Variants in PCDHGA6 observed in about 807,000 individuals in gnomAD.
PCDHGA6 encodes protocadherin gamma-A6.
In PCDHGA6, 41 loss-of-function variants were observed where a neutral mutation model predicts 60.6. The observed-to-expected ratio is 0.68, with a 90% CI of 0.53 to 0.88. The LOEUF (loss-of-function observed/expected upper bound fraction) is 0.88. PCDHGA6 is among the 40% of genes least tolerant of loss of function. The pLI is 0.00. For missense variants in PCDHGA6, 1,312 were observed against 1,203.0 expected (o/e 1.09, Z -1.34); for synonymous variants, 594 against 524.4 (o/e 1.13, Z -1.81).
chr5:141,488,634 G>A (rs937680420), intron 1 of PCDHGA6, among the ~76,000 whole-genome samples: 4 of 152,150 alleles, frequency 2.6e-5, no homozygotes, highest in Non-Finnish European at 4.4e-5. Context: ...CACCTTAGCA[G>A]CATTCAGCAG....
chr5:141,418,270 A>T, intron 1 of PCDHGA6: 1 of 1,614,052 alleles, frequency 6.2e-7, no homozygotes. Context: ...GGAAAGATGA[A>T]ATAAACTTAG....
At position 141,375,263 on chromosome 5, in the gene PCDHGA6, T is replaced by C. The variant is rs200233213; in HGVS notation, c.1180T>C (p.Leu394=). Residue 394 remains leucine (L), a synonymous_variant, in exon 1 of 4, where the codon TTG becomes CTG. Transcript: ENST00000517434. Reference sequence around the variant, plus strand: ...CATCCCGAGAAGTCTCCCATTTGAATTGGAAAAATCAGTTGGCAATTATTA... The same window carrying C: ...CATCCCGAGAAGTCTCCCATTTGAACTGGAAAAATCAGTTGGCAATTATTA... ...CSIPRSLPFE[L]EKSVGNYYRL... 1.2e-6 allele frequency: 2 copies of C among 1,613,828 alleles called. No homozygotes were observed. The highest frequency in any genetic ancestry group is 1.7e-6 in the Non-Finnish European group (2 of 1,179,868).
chr5:141,466,669 C>T lies in PCDHGA6; in HGVS notation c.2425-28138C>T, dbSNP rs529252130. The stretch of plus-strand genomic sequence containing the variant: ...TTTCACAAAACATCAGTGATTTCAC[C>T]GTTCTTCCACTCAAGCTTCATCATA... On this transcript the variant is annotated intron_variant, in intron 1 of 3. Transcript: ENST00000517434. Among the ~76,000 whole-genome samples the T allele has an allele frequency of 8.5e-5, 13 of 152,278 alleles. No homozygotes were observed. The East Asian group carries it at 9.6e-4, about 11-fold the overall frequency.
intron 1 of PCDHGA6, chr5:141,389,762 A>C (rs778570717): frequency 1.2e-6 from 2 of 1,612,968 alleles, no homozygotes; most frequent in Non-Finnish European, 1.7e-6. Flanking sequence ...AAGTGCGCAC[A>C]GCGCGTGCCT....
At chr5:141,395,521 T>C in intron 1 of PCDHGA6, 1 of 388,366 alleles carries the variant, frequency 2.6e-6, no homozygotes, top group East Asian at 5.0e-5. Context: ...TACCCGTCCA[T>C]ACTGGTAATT....
At chr5:141,434,497 G>A (rs986672351) in intron 1 of PCDHGA6, among the ~76,000 whole-genome samples, 2 of 152,214 alleles carry the variant, frequency 1.3e-5, no homozygotes, top group African/African-American at 4.8e-5. Context: ...CCCGCCCAGG[G>A]CAGAAAACTG....
intron 1 of PCDHGA6, chr5:141,409,404 A>T: frequency 5.0e-6 from 8 of 1,614,046 alleles, no homozygotes; most frequent in Non-Finnish European, 6.8e-6. Flanking sequence ...TCCAATAACT[A>T]CTACAAACTG....
chr5:141,445,991 T>C (rs532620580), intron 1 of PCDHGA6, among the ~76,000 whole-genome samples: 147 of 152,168 alleles, frequency 9.7e-4, no homozygotes, highest in Admixed American at 3.4e-3. Context: ...TAAATAGAAA[T>C]AGGAAGATAA....
At chr5:141,430,652 A>G in intron 1 of PCDHGA6, 1 of 1,069,464 alleles carries the variant, frequency 9.4e-7, no homozygotes. Context: ...ATGTGGAAAC[A>G]ACGGAGGAGC....
intron 1 of PCDHGA6, among the ~76,000 whole-genome samples, chr5:141,457,015 A>T (rs1216403373): frequency 6.6e-6 from 1 of 152,182 alleles, no homozygotes; most frequent in Admixed American, 6.5e-5. Context: ...AATCCAATAA[A>T]AAGTCCTAGT....
chr5:141,404,261 C>G, intron 1 of PCDHGA6: 1 of 1,613,950 alleles, frequency 6.2e-7, no homozygotes. Flanking sequence ...CACAGAAATT[C>G]ACATCACCCT....
rs186638311 is a variant in PCDHGA6, at chr5:141,492,901, T to C, written c.2425-1906T>C. 3.7e-3 allele frequency among the ~76,000 whole-genome samples: 568 copies of C among 152,326 alleles called. 5 individuals carry two copies. The highest frequency in any genetic ancestry group is 0.011 in the Admixed American group (163 of 15,308). On this transcript the variant is annotated intron_variant, in intron 1 of 3. Coordinates refer to ENST00000517434, the MANE Select transcript of PCDHGA6 (RefSeq NM_018919.3). ...GAGATACAGGCTTTTGGCGCCGTCG[T>C]GATCACAATGTGCCCAGCGATCTAG...
At chr5:141,428,184 C>A in intron 1 of PCDHGA6, 32 of 1,463,670 alleles carry the variant, frequency 2.2e-5, no homozygotes, top group Non-Finnish European at 3.0e-5. Context: ...GGAGGACAGC[C>A]GCCGCTCTCT....
In PCDHGA6 at chr5:141,432,601, G is replaced by A. The variant is rs1313279772; in HGVS notation, c.2424+56094G>A. The A allele has an allele frequency of 5.6e-6, 9 of 1,613,950 alleles. No homozygotes were observed. Among genetic ancestry groups the A allele is most frequent in the Admixed American group, 1.7e-5 (1 of 60,030 alleles). On this transcript the variant is annotated intron_variant, in intron 1 of 3. Transcript: ENST00000517434. The surrounding 1 kb of genome is among the most constrained non-coding windows in gnomAD (Gnocchi z 6.0). ...ACCGTCTGCTCAAGGCCAGCGAGCC[G>A]GGACTCTTCTCGGTGGGTCTGCACA...
rs1243327893 is a variant in PCDHGA6, at chr5:141,491,671, C to A, written c.2425-3136C>A. 2.5e-6 allele frequency: 4 copies of A among 1,613,366 alleles called. No homozygotes were observed. Among genetic ancestry groups the A allele is most frequent in the Non-Finnish European group, 3.4e-6 (4 of 1,179,808 alleles). On this transcript the variant is annotated intron_variant, in intron 1 of 3. Coordinates refer to ENST00000517434, the MANE Select transcript of PCDHGA6 (RefSeq NM_018919.3). The surrounding 1 kb of genome is among the most constrained non-coding windows in gnomAD (Gnocchi z 6.9). Reference sequence around the variant, plus strand: ...GCTGGAGCCTGACGCCATCCGGTCCCGCTCTAATACGCTGCGGGAGCGGAG... The same window carrying A: ...GCTGGAGCCTGACGCCATCCGGTCCAGCTCTAATACGCTGCGGGAGCGGAG...
intron 1 of PCDHGA6, among the ~76,000 whole-genome samples, chr5:141,465,779 GT>G (rs879859429): frequency 5.2e-4 from 76 of 145,138 alleles, no homozygotes; most frequent in South Asian, 1.1e-3. Flanking sequence ...TCTTGTTACA[GT>G]TTTTTTTTTT....
chr5:141,487,516 G>A lies in PCDHGA6; in HGVS notation c.2425-7291G>A, dbSNP rs2099648095. On this transcript the variant is annotated intron_variant, in intron 1 of 3. Coordinates refer to ENST00000517434, the MANE Select transcript of PCDHGA6 (RefSeq NM_018919.3). The surrounding 1 kb of genome is among the most constrained non-coding windows in gnomAD (Gnocchi z 5.0). ...CACCCTTGGCTTCTGCACCCACTCG[G>A]AGTGATAGCTTCATGATGGTGAAGT... 6.2e-7 allele frequency: 1 copy of A among 1,614,078 alleles called. No individual in the cohort carries two copies. The highest frequency in any genetic ancestry group is 1.7e-5 in the Admixed American group (1 of 60,010).
intron 1 of PCDHGA6, chr5:141,393,863 G>A: frequency 6.2e-7 from 1 of 1,613,968 alleles, no homozygotes; most frequent in Non-Finnish European, 8.5e-7. Context: ...TGATCATTAC[G>A]TCTTTGTTTA....
intron 1 of PCDHGA6, chr5:141,403,402 A>T: frequency 6.2e-7 from 1 of 1,614,076 alleles, no homozygotes; most frequent in Non-Finnish European, 8.5e-7. Flanking sequence ...TTCCTGGAGC[A>T]CGTTATCCAC....
Sources: allele counts gnomAD v4.1 joint callset (sites outside exome capture counted in the v4.1 genomes callset), GRCh38; gene constraint gnomAD v4.1.1; non-coding constraint Gnocchi (gnomAD v3.1); transcripts MANE v1.5; gene names NCBI Gene and HGNC (gene_info 2026-07-23, HGNC 2026-07-21).